The following KDM2B variants were observed in gnomAD, a reference collection of about 807,000 sequenced individuals.
The protein encoded by KDM2B is lysine demethylase 2B, also known as lysine-specific demethylase 2B.
In KDM2B, 26 loss-of-function variants were observed where a neutral mutation model predicts 150.0. The observed-to-expected ratio is 0.17, with a 90% CI of 0.13 to 0.24. The LOEUF (loss-of-function observed/expected upper bound fraction) is 0.24, where lower values mean the gene tolerates loss of function less well. KDM2B is among the 10% of genes least tolerant of loss of function. The pLI, the probability that KDM2B is intolerant of heterozygous loss-of-function variation, is 1.00. For missense variants in KDM2B, 1,265 were observed against 1,816.9 expected (o/e 0.70, Z 5.52); for synonymous variants, 734 against 729.5 (o/e 1.01, Z -0.10).
At chr12:121,581,101 C>T (rs1891940774), upstream of KDM2B, 1 of 696,594 alleles carries the variant, frequency 1.4e-6, no homozygotes, top group South Asian at 2.5e-5. Context: ...TCATTCTGCC[C>T]GCCTCTGTGG....
At position 121,444,081 on chromosome 12, in the gene KDM2B, C is replaced by T. The variant is rs945064077; in HGVS notation, c.2382G>A (p.Lys794=). ...KVPPDGLLRR[K]SDDVHLRKKR... ...TCTTCCTCAGGTGCACGTCGTCAGA[C>T]TTTCTGCGCAGAAGGCCGTCCGGCG... is the stretch of plus-strand genomic sequence containing the variant. The change falls in exon 16 of 23, where the codon AAG becomes AAA. Residue 794 remains lysine, a synonymous_variant. Transcript: ENST00000377071. 6.2e-6 allele frequency: 10 copies of T among 1,614,024 alleles called. No individual in the cohort carries two copies. The highest frequency in any genetic ancestry group is 8.5e-6 in the Non-Finnish European group (10 of 1,180,042).
rs1395097750 is a variant in KDM2B at position 121,575,389 on chromosome 12, T to A, written c.350+392A>T. Reference sequence around the variant, plus strand: ...CAGGAATCTGCATAAGAAACATGTATCTAGGTGCCCTGGGTCTGGGCTTAG... The same window carrying A: ...CAGGAATCTGCATAAGAAACATGTAACTAGGTGCCCTGGGTCTGGGCTTAG... On this transcript the variant is annotated intron_variant, in intron 3 of 22. Coordinates refer to ENST00000377071, the MANE Select transcript of KDM2B (RefSeq NM_032590.5). This position sits in a 1 kb window ranked among gnomAD's most constrained non-coding sequence, Gnocchi z 4.4. Among the ~76,000 whole-genome samples the A allele has an allele frequency of 6.6e-6, 1 of 152,120 alleles. No homozygotes were observed. The highest frequency in any genetic ancestry group is 1.5e-5 in the Non-Finnish European group (1 of 68,028).
rs151275311 is a variant in KDM2B at position 121,503,468 on chromosome 12, C to CTTTTGTTTTG, written c.1647+6089_1647+6098dup. ...ACTACTCCTGGCTAATTTTTTGTTCCTTTTGTTTTGTTTTGTTTTGTTTTT... is the reference window on the plus strand; with the variant it reads ...ACTACTCCTGGCTAATTTTTTGTTCCTTTTGTTTTGTTTTGTTTTGTTTTGTTTTGTTTTT... On this transcript the variant is annotated intron_variant, in intron 11 of 22. Coordinates refer to ENST00000377071, the MANE Select transcript of KDM2B (RefSeq NM_032590.5). Among the ~76,000 whole-genome samples, 20 of 151,666 alleles carry CTTTTGTTTTG rather than the reference C, an allele frequency of 1.3e-4. No individual in the cohort carries two copies. The South Asian group carries it at 4.1e-3, about 31-fold the overall frequency.
the KDM2B span, among the ~76,000 whole-genome samples, chr12:121,415,900 G>A: frequency 6.7e-6 from 1 of 148,614 alleles, no homozygotes; most frequent in Non-Finnish European, 1.5e-5. Context: ...GGTGGGTAGG[G>A]AGGTTTTTTG....
chr12:121,466,961 G>T (rs1880074082), intron 12 of KDM2B, among the ~76,000 whole-genome samples: 1 of 148,154 alleles, frequency 6.7e-6, no homozygotes, highest in African/African-American at 2.4e-5. Context: ...CACGCCCCCT[G>T]CCCGGGCCGG....
chr12:121,509,723 A>G lies in KDM2B; in HGVS notation c.1491T>C (p.Ser497=), dbSNP rs1593994818. The G allele has an allele frequency of 6.2e-7, 1 of 1,614,072 alleles. No individual in the cohort carries two copies. The highest frequency in any genetic ancestry group is 8.5e-7 in the Non-Finnish European group (1 of 1,180,026). The change falls in exon 11 of 23, where the codon TCT becomes TCC. Residue 497 remains serine (S), a synonymous_variant. Coordinates refer to ENST00000377071, the MANE Select transcript of KDM2B (RefSeq NM_032590.5). ...AVDYPKTPTG[S]PATEVSAKWT... ...ATTTGGCAGAGACCTCCGTGGCGGG[A>G]GAGCCGGTGGGGGTCTTGGGGTAGT...
intron 6 of KDM2B, among the ~76,000 whole-genome samples, chr12:121,546,673 G>A (rs1441960406): frequency 3.3e-5 from 5 of 149,946 alleles, no homozygotes; most frequent in African/African-American, 1.2e-4. Context: ...AAAGTGCTGG[G>A]ATTACAGGTG....
chr12:121,481,722 C>T (rs1448125499), intron 12 of KDM2B, among the ~76,000 whole-genome samples: 1 of 152,084 alleles, frequency 6.6e-6, no homozygotes, highest in African/African-American at 2.4e-5. Flanking sequence ...CCAGAGCCCT[C>T]AAGATCTCAA....
In KDM2B at chr12:121,574,649, C is replaced by T; in HGVS notation, c.351-56G>A. On this transcript the variant is annotated intron_variant, in intron 3 of 22. Transcript: ENST00000377071. ...AGAGGCCAGAAACAACAGAGCTAGA[C>T]TACCCTGGGCCCGGGGGGAAGCCAT... 1.9e-6 allele frequency: 3 copies of T among 1,539,936 alleles called. No homozygotes were observed. The South Asian group carries it at 3.4e-5, about 17-fold the overall frequency.
intron 11 of KDM2B, among the ~76,000 whole-genome samples, chr12:121,504,976 G>A (rs1348740596): frequency 1.3e-5 from 2 of 152,064 alleles, no homozygotes; most frequent in Non-Finnish European, 2.9e-5. Flanking sequence ...AATTAGCTGG[G>A]CGTTGTGGCA....
Position 121,453,111 on chromosome 12 carries a change from C to A in KDM2B, c.1959+9G>T. 1 of 1,601,432 alleles carries A rather than the reference C, an allele frequency of 6.2e-7. No homozygotes were observed. Among genetic ancestry groups the A allele is most frequent in the Non-Finnish European group, 8.5e-7 (1 of 1,175,822 alleles). Reference sequence around the variant, plus strand: ...ATCGAGCGCAGGGCTGGGCGGGGGCCGCACTCACCGCGATGCACTGCCGCA... The same window carrying A: ...ATCGAGCGCAGGGCTGGGCGGGGGCAGCACTCACCGCGATGCACTGCCGCA... On this transcript the variant is annotated intron_variant, in intron 13 of 22. Coordinates refer to ENST00000377071, the MANE Select transcript of KDM2B (RefSeq NM_032590.5). The surrounding 1 kb of genome is among the most constrained non-coding windows in gnomAD (Gnocchi z 6.4).
chr12:121,571,582 C>T (rs570314628), intron 4 of KDM2B, among the ~76,000 whole-genome samples: 3 of 152,172 alleles, frequency 2.0e-5, no homozygotes, highest in Admixed American at 1.3e-4. Context: ...GCGTGAGCCA[C>T]CGCGCCCAAC....
At chr12:121,577,011 A>T (rs1388923657) in intron 2 of KDM2B, among the ~76,000 whole-genome samples, 1 of 152,202 alleles carries the variant, frequency 6.6e-6, no homozygotes, top group African/African-American at 2.4e-5. Context: ...ATTCCTAAGG[A>T]TTTAAAGGAA....
At chr12:121,567,183 C>G (rs189057210) in intron 4 of KDM2B, among the ~76,000 whole-genome samples, 11 of 152,062 alleles carry the variant, frequency 7.2e-5, no homozygotes, top group Non-Finnish European at 1.2e-4. Flanking sequence ...CACCGCCCCC[C>G]ACCTGGGAAT....
intron 11 of KDM2B, 147 bp from the exon 12 acceptor site, chr12:121,494,812 G>A (rs183748386): frequency 2.2e-5 from 13 of 589,196 alleles, no homozygotes; most frequent in South Asian, 2.0e-4. Context: ...ACATTCAATA[G>A]AAACCAAGTC....
chr12:121,445,146 G>A, intron 14 of KDM2B, 129 bp downstream of exon 14: 1 of 1,116,606 alleles, frequency 9.0e-7, no homozygotes, highest in Non-Finnish European at 1.3e-6. Context: ...TTGACACACA[G>A]GATCACCCAG....
chr12:121,425,623 T>C (rs781975401), downstream of KDM2B, among the ~76,000 whole-genome samples: 2 of 152,190 alleles, frequency 1.3e-5, no homozygotes, highest in Non-Finnish European at 2.9e-5. Flanking sequence ...TTTCTGCTTT[T>C]GAAGATCAAA....
At chr12:121,558,914 C>A (rs1890117667) in intron 4 of KDM2B, among the ~76,000 whole-genome samples, 1 of 152,114 alleles carries the variant, frequency 6.6e-6, no homozygotes, top group African/African-American at 2.4e-5. Flanking sequence ...AATAACCATG[C>A]CTCCCACTGC....
chr12:121,451,741 G>A (rs567778670), intron 13 of KDM2B, among the ~76,000 whole-genome samples: 7 of 152,098 alleles, frequency 4.6e-5, no homozygotes, highest in Middle Eastern at 6.8e-3. Context: ...ATGAAGCCCC[G>A]TCTGTACTAA....
Sources: allele counts gnomAD v4.1 joint callset (sites outside exome capture counted in the v4.1 genomes callset), GRCh38; gene constraint gnomAD v4.1.1; non-coding constraint Gnocchi (gnomAD v3.1); transcripts MANE v1.5; gene names NCBI Gene and HGNC (gene_info 2026-07-23, HGNC 2026-07-21).